NFXL1: variants seen among roughly 807,000 people sequenced by gnomAD.
The protein encoded by NFXL1 is NF-X1-type zinc finger protein NFXL1.
In NFXL1, 66 loss-of-function variants were observed where a neutral mutation model predicts 123.3. That is an observed-to-expected ratio of 0.54 (90% CI 0.44 to 0.66). NFXL1 has a LOEUF of 0.66. Ranked by LOEUF, NFXL1 falls within the 30% of genes least tolerant of loss-of-function variation. The pLI is 0.00. For missense variants in NFXL1, 944 were observed against 1,125.6 expected (o/e 0.84, Z 2.31); for synonymous variants, 346 against 360.8 (o/e 0.96, Z 0.46).
Position 47,884,536 on chromosome 4 carries a change from C to G in NFXL1, c.1825-99G>C. ...TAGTTCCATGTATCCTCTGCTCAAG[C>G]AGGTTGAAATTTTTTCAAATAATCA... is the stretch of plus-strand genomic sequence containing the variant. On this transcript the variant is annotated intron_variant, in intron 14 of 22. Transcript: ENST00000507489. The G allele has an allele frequency of 9.1e-6, 6 of 662,280 alleles. No homozygotes were observed. In the South Asian group the frequency reaches 1.3e-4, roughly 14 times the overall value. 41.0% of individuals were successfully genotyped at this position (662,280 alleles called of 1,614,324 possible).
chr4:47,847,294 C>A lies in NFXL1; in HGVS notation c.*869G>T, dbSNP rs2110015718. On this transcript the variant is annotated 3_prime_UTR_variant, in exon 23 of 23. Transcript: ENST00000507489. ...TAATCATATAAATTAAATAGCAAAACTATTTGAAAGGAATTATAATTCAAA... is the reference window on the plus strand; with the variant it reads ...TAATCATATAAATTAAATAGCAAAAATATTTGAAAGGAATTATAATTCAAA... 1 of 151,962 alleles carries A rather than the reference C, an allele frequency of 6.6e-6. No individual in the cohort carries two copies. Among genetic ancestry groups the A allele is most frequent in the Admixed American group, 6.5e-5 (1 of 15,272 alleles). The allele number at this position is 151,962 out of a possible 1,614,324, so 9.4% of individuals were successfully genotyped here.
chr4:47,868,241 C>T (rs543458914), intron 18 of NFXL1, among the ~76,000 whole-genome samples: 54 of 151,776 alleles, frequency 3.6e-4, no homozygotes, highest in African/African-American at 1.3e-3. Flanking sequence ...ATGGCGTGAA[C>T]TCGGGAAGCG....
At position 47,848,762 on chromosome 4, in the gene NFXL1, G is replaced by A. The variant is rs534238771; in HGVS notation, c.2563-426C>T. Among the ~76,000 whole-genome samples the A allele has an allele frequency of 4.6e-5, 7 of 152,180 alleles. No individual in the cohort carries two copies. In the East Asian group the frequency reaches 1.4e-3, roughly 29 times the overall value. On this transcript the variant is annotated intron_variant, in intron 22 of 22. Coordinates refer to ENST00000507489, the MANE Select transcript of NFXL1 (RefSeq NM_001278624.2). ...AAATTAGCCGGGCATGGTGGCGGGT[G>A]CCTGTAGTCCCAGCTACTCGGGAGG...
intron 22 of NFXL1, among the ~76,000 whole-genome samples, chr4:47,849,945 ATTAT>A (rs1225486492): frequency 1.8e-5 from 2 of 110,784 alleles, no homozygotes; most frequent in African/African-American, 7.2e-5. Flanking sequence ...TAAAATGCGT[ATTAT>A]TTATTTTTTT....
rs61747431 is a variant in NFXL1 at position 47,875,296 on chromosome 4, G to C, written c.2080-3C>G. 1,996 of 1,605,156 alleles carry C rather than the reference G, an allele frequency of 1.2e-3. 10 individuals carry two copies. The African/African-American group carries it at 0.022, about 17-fold the overall frequency. ...CAATGAAGGCATTCTGGGCCAGCCTGAAAAACAGCATGGAAATAAATCACC... is the reference window on the plus strand; with the variant it reads ...CAATGAAGGCATTCTGGGCCAGCCTCAAAAACAGCATGGAAATAAATCACC... On this transcript the variant is annotated splice_polypyrimidine_tract_variant and splice_region_variant and intron_variant, in intron 17 of 22. Transcript: ENST00000507489.
At chr4:47,887,815 C>A (rs1475487154) in intron 12 of NFXL1, among the ~76,000 whole-genome samples, 1 of 152,050 alleles carries the variant, frequency 6.6e-6, no homozygotes, top group African/African-American at 2.4e-5. Context: ...TCCCTACTGA[C>A]CAACAGAATT....
At chr4:47,863,015 CTTT>C in intron 18 of NFXL1, 100 bp from the exon 19 acceptor site, 1 of 689,518 alleles carries the variant, frequency 1.5e-6, no homozygotes, top group Non-Finnish European at 2.6e-6. Flanking sequence ...ATAAAATTAT[CTTT>C]TTTCCTCAAG....
At chr4:47,870,686 A>AGAAGCAAT (rs1411847619) in intron 18 of NFXL1, among the ~76,000 whole-genome samples, 1 of 152,224 alleles carries the variant, frequency 6.6e-6, no homozygotes, top group Non-Finnish European at 1.5e-5. Context: ...CAGAGAGCCT[A>AGAAGCAAT]GAAGCAATGA....
Position 47,862,867 on chromosome 4 carries a change from G to A in NFXL1, c.2295C>T (p.Cys765=). The change falls in exon 19 of 23, where the codon TGC becomes TGT. Residue 765 remains cysteine (C), a synonymous_variant. Transcript: ENST00000507489. ...DVNEKNLLSC[C]KNQCPKELPC... ...TTACCTCTTTAGGGCACTGATTTTT[G>A]CAACAACTGAGGAGGTTCTTTTCAT... 6.3e-7 allele frequency: 1 copy of A among 1,578,468 alleles called. No individual in the cohort carries two copies. The highest frequency in any genetic ancestry group is 1.2e-5 in the South Asian group (1 of 84,470).
chr4:47,888,005 G>A (rs185323605), intron 12 of NFXL1, among the ~76,000 whole-genome samples: 2 of 152,244 alleles, frequency 1.3e-5, no homozygotes, highest in East Asian at 1.9e-4. Context: ...GCTGGGCGCT[G>A]TGGCTCATGC....
At chr4:47,849,535 AT>A (rs1413764490) in intron 22 of NFXL1, among the ~76,000 whole-genome samples, 2 of 152,192 alleles carry the variant, frequency 1.3e-5, no homozygotes, top group African/African-American at 4.8e-5. Flanking sequence ...AGATCTAATA[AT>A]AAACTTAGTT....
intron 20 of NFXL1, among the ~76,000 whole-genome samples, chr4:47,854,531 T>C (rs1307948174): frequency 6.6e-6 from 1 of 152,128 alleles, no homozygotes; most frequent in Non-Finnish European, 1.5e-5. Context: ...TACTCCTCTG[T>C]TACCATCATT....
At chr4:47,898,274 C>G (rs62298263) in intron 8 of NFXL1, among the ~76,000 whole-genome samples, 193 bp from the exon 9 acceptor site, 1 of 152,092 alleles carries the variant, frequency 6.6e-6, no homozygotes, top group African/African-American at 2.4e-5. Context: ...TATACACACA[C>G]ATATATTTCC....
chr4:47,898,714 T>C (rs1345132967), intron 8 of NFXL1, 43 bp downstream of exon 8: 1 of 1,269,192 alleles, frequency 7.9e-7, no homozygotes, highest in African/African-American at 1.5e-5. Flanking sequence ...CTATGCTTTC[T>C]GTACTCTTTA....
At chr4:47,872,324 T>C (rs1323380301) in intron 18 of NFXL1, among the ~76,000 whole-genome samples, 1 of 151,976 alleles carries the variant, frequency 6.6e-6, no homozygotes, top group Non-Finnish European at 1.5e-5. Flanking sequence ...TAGATGGGTG[T>C]GGTGGCACGT....
intron 14 of NFXL1, among the ~76,000 whole-genome samples, chr4:47,885,124 CAA>C (rs531124329): frequency 1.2e-5 from 1 of 86,734 alleles, no homozygotes; most frequent in African/African-American, 4.5e-5. Context: ...GACTCCGTCT[CAA>C]AAAAAAAAAA....
intron 18 of NFXL1, among the ~76,000 whole-genome samples, chr4:47,873,288 G>A (rs977715331): frequency 2.6e-5 from 4 of 152,084 alleles, no homozygotes; most frequent in African/African-American, 9.7e-5. Context: ...TGTTCCTGTT[G>A]ACATGAATGT....
intron 15 of NFXL1, among the ~76,000 whole-genome samples, chr4:47,881,829 A>G (rs1736131974): frequency 6.6e-6 from 1 of 152,234 alleles, no homozygotes; most frequent in Non-Finnish European, 1.5e-5. Context: ...TGGAAAAGGC[A>G]AAACTACAGA....
rs1258559340 is a variant in NFXL1, at chr4:47,894,284, G to A, written c.1348C>T (p.Arg450Cys). The A allele has an allele frequency of 3.1e-6, 5 of 1,590,576 alleles. No individual in the cohort carries two copies. Among genetic ancestry groups the A allele is most frequent in the African/African-American group, 1.4e-5 (1 of 73,926 alleles). The change falls in exon 11 of 23, where the codon CGC (arginine) becomes TGC (cysteine). Residue 450 changes from arginine (R) to cysteine (C), a missense_variant. Arg to Cys is a radical substitution (Grantham distance 180, BLOSUM62 -3). This residue lies in a region of NFXL1 where 296 missense variants were observed against 395.1 expected (regional missense o/e 0.75). Transcript: ENST00000507489. ...ATTCGTTTTGTATGCTTTCCACAGC[G>A]ACAATGCTTTTCCACTTCCTGGAAG... ...TCRQEVEKHC[R>C]CGKHTKRMPC... is the part of the protein sequence containing the mutation.
Sources: gnomAD v4.1 joint callset for allele counts (sites outside exome capture counted in the v4.1 genomes callset) on GRCh38, gnomAD v4.1.1 for gene constraint, gnomAD v4.1.1 regional missense constraint, MANE v1.5 for transcripts, NCBI Gene and HGNC (gene_info 2026-07-23, HGNC 2026-07-21) for gene names.